Variants in ENOX1 observed in about 807,000 individuals in gnomAD.
ENOX1 encodes the protein candidate growth-related and time keeping constitutive hydroquinone (NADH) oxidase.
Under a neutral mutation model 82.5 loss-of-function variants are expected in ENOX1, and 42 were observed. That is an observed-to-expected ratio of 0.51 (90% CI 0.40 to 0.66). The LOEUF (loss-of-function observed/expected upper bound fraction) is 0.66. ENOX1 is among the 30% of genes least tolerant of loss of function. The probability of loss-of-function intolerance (pLI) is 0.00; values close to 1 mark genes in which losing one functional copy is unlikely to be tolerated. For missense variants in ENOX1, 608 were observed against 811.6 expected (o/e 0.75, Z 3.05); for synonymous variants, 271 against 282.2 (o/e 0.96, Z 0.40).
At chr13:43,568,352 A>C (rs1200116581) in intron 2 of ENOX1, among the ~76,000 whole-genome samples, 1 of 152,180 alleles carries the variant, frequency 6.6e-6, no homozygotes, top group East Asian at 1.9e-4. Context: ...ACAGTATCTG[A>C]CTTAAAATTC....
intron 11 of ENOX1, among the ~76,000 whole-genome samples, chr13:43,317,295 T>C (rs140278410): frequency 1.9e-4 from 29 of 152,320 alleles, no homozygotes; most frequent in African/African-American, 6.7e-4. Context: ...CCCCTTGCAG[T>C]TGGCCCCTTC....
At chr13:43,239,353 T>G (rs2153460758) in intron 14 of ENOX1, among the ~76,000 whole-genome samples, 1 of 152,174 alleles carries the variant, frequency 6.6e-6, no homozygotes, top group Middle Eastern at 3.4e-3. Flanking sequence ...ATCTGTGAGT[T>G]TTGTCCAGGT....
chr13:43,370,477 C>T (rs2051160020), intron 5 of ENOX1, among the ~76,000 whole-genome samples: 1 of 152,170 alleles, frequency 6.6e-6, no homozygotes, highest in African/African-American at 2.4e-5. Flanking sequence ...ATTGCCAGGT[C>T]TCAGGGATGT....
At chr13:43,406,670 T>C (rs1244137668) in intron 5 of ENOX1, among the ~76,000 whole-genome samples, 1 of 151,940 alleles carries the variant, frequency 6.6e-6, no homozygotes, top group Non-Finnish European at 1.5e-5. Context: ...TTTTTTTGTA[T>C]TTTTAGTAGA....
chr13:43,696,075 A>G (rs1259729156), intron 1 of ENOX1, among the ~76,000 whole-genome samples: 3 of 152,186 alleles, frequency 2.0e-5, no homozygotes. Context: ...TCTTTCACTC[A>G]GCATAATGTC....
intron 2 of ENOX1, among the ~76,000 whole-genome samples, chr13:43,609,138 CTCTG>C (rs1359703936): frequency 1.3e-5 from 2 of 152,200 alleles, no homozygotes; most frequent in Non-Finnish European, 2.9e-5. Context: ...TTTTTCCTGT[CTCTG>C]TGTCTTTTTA....
At chr13:43,287,896 C>A (rs1200587266) in intron 12 of ENOX1, among the ~76,000 whole-genome samples, 1 of 152,158 alleles carries the variant, frequency 6.6e-6, no homozygotes, top group African/African-American at 2.4e-5. Context: ...ATTTCTGGTT[C>A]CAAATGGAGC....
chr13:43,741,747 G>C (rs1386404694), intron 1 of ENOX1, among the ~76,000 whole-genome samples: 1 of 152,186 alleles, frequency 6.6e-6, no homozygotes, highest in Non-Finnish European at 1.5e-5. Flanking sequence ...TGTTGACGAA[G>C]TCCAATTTAT....
At chr13:43,288,259 C>T (rs2045814223) in intron 12 of ENOX1, among the ~76,000 whole-genome samples, 1 of 152,102 alleles carries the variant, frequency 6.6e-6, no homozygotes, top group South Asian at 2.1e-4. Context: ...GAGAGATGTA[C>T]ATGTTTTAAG....
intron 2 of ENOX1, among the ~76,000 whole-genome samples, chr13:43,634,890 C>T (rs1337339440): frequency 1.3e-5 from 2 of 152,206 alleles, no homozygotes; most frequent in African/African-American, 4.8e-5. Flanking sequence ...GGTGGGCACA[C>T]ACCACTCTTA....
chr13:43,575,072 C>T (rs933729222), intron 2 of ENOX1, among the ~76,000 whole-genome samples: 1 of 152,142 alleles, frequency 6.6e-6, no homozygotes, highest in African/African-American at 2.4e-5. Context: ...CTTTAAGCAC[C>T]TATAATGAAA....
rs563361386 is a variant in ENOX1 at position 43,473,413 on chromosome 13, T to A, written c.-75+10596A>T. On this transcript the variant is annotated intron_variant, in intron 3 of 16. Coordinates refer to ENST00000690772, the MANE Select transcript of ENOX1 (RefSeq NM_001347969.2). Reference sequence around the variant, plus strand: ...GATGGAATTTCTAACAGTGATGGCATTGTTCGGTAACTAACAGTCTTTTGT... The same window carrying A: ...GATGGAATTTCTAACAGTGATGGCAATGTTCGGTAACTAACAGTCTTTTGT... Among the ~76,000 whole-genome samples the A allele has an allele frequency of 3.9e-5, 6 of 152,352 alleles. No homozygotes were observed. The East Asian group carries it at 1.2e-3, about 29-fold the overall frequency.
intron 2 of ENOX1, among the ~76,000 whole-genome samples, chr13:43,647,152 C>T (rs2083932535): frequency 6.6e-6 from 1 of 152,160 alleles, no homozygotes; most frequent in Admixed American, 6.5e-5. Flanking sequence ...AGCTAGATTG[C>T]CTGAGATTTT....
chr13:43,663,117 G>A (rs2084814647), intron 2 of ENOX1, among the ~76,000 whole-genome samples: 1 of 152,182 alleles, frequency 6.6e-6, no homozygotes, highest in Non-Finnish European at 1.5e-5. Context: ...CCCTTTGGAA[G>A]CAGTGAGACC....
chr13:43,398,974 C>T (rs894424760), intron 5 of ENOX1, among the ~76,000 whole-genome samples: 14 of 150,104 alleles, frequency 9.3e-5, no homozygotes, highest in African/African-American at 3.4e-4. Context: ...TTTTTTTTTT[C>T]AGAGGTAGGT....
intron 5 of ENOX1, among the ~76,000 whole-genome samples, chr13:43,396,734 C>T (rs1594322425): frequency 6.6e-6 from 1 of 152,268 alleles, no homozygotes; most frequent in South Asian, 2.1e-4. Context: ...TCAAAAGTTA[C>T]CATGTTGCTT....
chr13:43,404,416 T>G (rs1335143888), intron 5 of ENOX1, among the ~76,000 whole-genome samples: 1 of 152,234 alleles, frequency 6.6e-6, no homozygotes, highest in Non-Finnish European at 1.5e-5. Flanking sequence ...TTTTCTGCTT[T>G]TAGAACTTTC....
chr13:43,548,597 G>T (rs973214664), intron 2 of ENOX1, among the ~76,000 whole-genome samples: 1 of 152,268 alleles, frequency 6.6e-6, no homozygotes, highest in Admixed American at 6.5e-5. Flanking sequence ...CTTCTTCTGG[G>T]AGTTCAACAA....
chr13:43,329,496 T>C (rs928886910), intron 9 of ENOX1, among the ~76,000 whole-genome samples: 12 of 152,136 alleles, frequency 7.9e-5, no homozygotes, highest in African/African-American at 2.9e-4. Flanking sequence ...AATTTACTTT[T>C]GGACGTATTG....
Sources: allele counts gnomAD v4.1 joint callset (sites outside exome capture counted in the v4.1 genomes callset), GRCh38; gene constraint gnomAD v4.1.1; transcripts MANE v1.5; gene names NCBI Gene and HGNC (gene_info 2026-07-23, HGNC 2026-07-21).